The following CTNNA3 variants were observed in gnomAD, a reference collection of about 807,000 sequenced individuals.
The protein encoded by CTNNA3 is catenin alpha-3.
CTNNA3 carries 76 observed loss-of-function variants against 95.7 expected under a neutral mutation model. The ratio of observed to expected loss-of-function variants is 0.79; its 90% CI spans 0.66 to 0.96. The LOEUF is 0.96. Ranked by LOEUF, CTNNA3 falls within the 40% of genes least tolerant of loss-of-function variation. The probability of loss-of-function intolerance (pLI) is 0.00; values close to 1 mark genes in which losing one functional copy is unlikely to be tolerated. For missense variants in CTNNA3, 1,191 were observed against 1,089.8 expected, an observed-to-expected ratio of 1.09 and a Z score of -1.31; for synonymous variants, 431 against 374.4, an observed-to-expected ratio of 1.15 and a Z score of -1.74.
chr10:67,148,812 T>C (rs1054060718), intron 7 of CTNNA3, among the ~76,000 whole-genome samples: 3 of 152,188 alleles, frequency 2.0e-5, no homozygotes, highest in Non-Finnish European at 2.9e-5. Flanking sequence ...TGCCAAGAAA[T>C]GCAGTAAATC....
chr10:66,036,455 C>T (rs1015316787), intron 15 of CTNNA3, among the ~76,000 whole-genome samples: 6 of 152,072 alleles, frequency 3.9e-5, no homozygotes, highest in African/African-American at 9.7e-5. Flanking sequence ...CTCACTGCAG[C>T]CTCTGTCTCC....
chr10:67,472,106 G>A (rs1344912783), intron 5 of CTNNA3, among the ~76,000 whole-genome samples: 1 of 152,136 alleles, frequency 6.6e-6, no homozygotes, highest in Non-Finnish European at 1.5e-5. Context: ...AGGCAATGTG[G>A]CAAATGTGTA....
At chr10:66,014,099 T>C (rs2079051559) in intron 15 of CTNNA3, among the ~76,000 whole-genome samples, 1 of 146,242 alleles carries the variant, frequency 6.8e-6, no homozygotes, top group African/African-American at 2.5e-5. Flanking sequence ...CCTTTCATTA[T>C]ACGCATAATT....
At chr10:66,985,215 T>C (rs1315850070) in intron 7 of CTNNA3, among the ~76,000 whole-genome samples, 2 of 152,180 alleles carry the variant, frequency 1.3e-5, no homozygotes, top group African/African-American at 2.4e-5. Flanking sequence ...ACTCATATAG[T>C]TTATTTAGTA....
intron 2 of CTNNA3, among the ~76,000 whole-genome samples, chr10:67,610,034 T>C (rs1843408170): frequency 6.6e-6 from 1 of 152,228 alleles, no homozygotes; most frequent in Admixed American, 6.5e-5. Flanking sequence ...AAGGTATTTG[T>C]CCAGATTAAG....
intron 15 of CTNNA3, among the ~76,000 whole-genome samples, chr10:66,001,536 T>G (rs1282389029): frequency 1.3e-5 from 2 of 152,174 alleles, no homozygotes; most frequent in Non-Finnish European, 2.9e-5. Context: ...CATGTAGTCT[T>G]CACTAGTTGA....
In CTNNA3 at chr10:66,730,026, A is replaced by T. The variant is rs189886137; in HGVS notation, c.1281+36238T>A. ...GAGGCTGAGGCAGGTGAATGGCGTG[A>T]ACCCAGGAGGCAGAGCTTGCAGTAA... On this transcript the variant is annotated intron_variant, in intron 9 of 17. Coordinates refer to ENST00000433211, the MANE Select transcript of CTNNA3 (RefSeq NM_013266.4). Among the ~76,000 whole-genome samples, 925 of 152,014 alleles carry T rather than the reference A, an allele frequency of 6.1e-3. 5 individuals carry two copies. The highest frequency in any genetic ancestry group is 0.021 in the African/African-American group (853 of 41,474).
chr10:66,200,170 G>A (rs1236087002), intron 13 of CTNNA3, among the ~76,000 whole-genome samples: 1 of 148,854 alleles, frequency 6.7e-6, no homozygotes, highest in Non-Finnish European at 1.5e-5. Flanking sequence ...GGCCTGGGTT[G>A]TTTCCAAGAA....
chr10:66,222,476 T>G (rs12762019), intron 13 of CTNNA3, among the ~76,000 whole-genome samples: 11,796 of 151,870 alleles, frequency 0.078, 597 homozygotes, highest in Admixed American at 0.13. Context: ...GTTTATGCAT[T>G]TATTAAAAAA....
chr10:67,676,464 T>C (rs1286192670), intron 1 of CTNNA3, among the ~76,000 whole-genome samples: 4 of 152,140 alleles, frequency 2.6e-5, no homozygotes. Context: ...AATGAGGTCA[T>C]TACTATTAAT....
intron 3 of CTNNA3, among the ~76,000 whole-genome samples, chr10:67,559,239 C>T (rs889721829): frequency 6.6e-6 from 1 of 152,212 alleles, no homozygotes; most frequent in Non-Finnish European, 1.5e-5. Flanking sequence ...GAGGCAACCC[C>T]CAGTAGGGGC....
intron 10 of CTNNA3, among the ~76,000 whole-genome samples, chr10:66,583,991 A>G (rs1042648225): frequency 4.6e-5 from 7 of 151,836 alleles, no homozygotes; most frequent in Admixed American, 3.9e-4. Context: ...CATAGTTTTG[A>G]GGGTTCCTTT....
intron 14 of CTNNA3, chr10:66,098,912 T>C (rs941174574): frequency 6.6e-6 from 1 of 152,220 alleles, no homozygotes; most frequent in Non-Finnish European, 1.5e-5. Flanking sequence ...TCTTTTAATA[T>C]TTTGTTCTCA....
At chr10:67,285,496 T>C (rs1034185823) in intron 5 of CTNNA3, among the ~76,000 whole-genome samples, 1 of 152,164 alleles carries the variant, frequency 6.6e-6, no homozygotes, top group African/African-American at 2.4e-5. Context: ...GCCAATGACA[T>C]TCAGTCTACT....
chr10:67,714,132 TG>T (rs2133613638), intron 1 of CTNNA3, among the ~76,000 whole-genome samples: 1 of 152,296 alleles, frequency 6.6e-6, no homozygotes, highest in South Asian at 2.1e-4. Context: ...GAGTCCCTAC[TG>T]GGACACCATG....
At chr10:65,929,713 C>T (rs565612061) in intron 17 of CTNNA3, among the ~76,000 whole-genome samples, 1 of 151,866 alleles carries the variant, frequency 6.6e-6, no homozygotes, top group South Asian at 2.1e-4. Context: ...GGACTACAGG[C>T]ACCCGCCACC....
intron 15 of CTNNA3, among the ~76,000 whole-genome samples, chr10:66,050,732 T>C (rs1303606682): frequency 6.6e-6 from 1 of 152,212 alleles, no homozygotes; most frequent in East Asian, 1.9e-4. Context: ...GAATGCTGCT[T>C]CCACTTTCCC....
chr10:67,289,722 A>G (rs933639733), intron 5 of CTNNA3, among the ~76,000 whole-genome samples: 1 of 152,148 alleles, frequency 6.6e-6, no homozygotes, highest in African/African-American at 2.4e-5. Context: ...TCATTTCTTA[A>G]GCAGGTAACA....
chr10:67,751,046 G>C, intron 1 of CTNNA3: 1 of 1,514,058 alleles, frequency 6.6e-7, no homozygotes. Flanking sequence ...TCCATATCCA[G>C]AGGAATGTGA....
Sources: allele counts gnomAD v4.1 joint callset (sites outside exome capture counted in the v4.1 genomes callset), GRCh38; gene constraint gnomAD v4.1.1; transcripts MANE v1.5; gene names NCBI Gene and HGNC (gene_info 2026-07-23, HGNC 2026-07-21).